The following LPGAT1 variants were observed in gnomAD, a reference collection of about 807,000 sequenced individuals.
LPGAT1 encodes acyl-CoA:lysophosphatidylglycerol acyltransferase 1.
LPGAT1 carries 11 observed loss-of-function variants against 47.5 expected under a neutral mutation model. That is an observed-to-expected ratio of 0.23 (90% confidence interval 0.15 to 0.38). LPGAT1 has a LOEUF of 0.38. Ranked by LOEUF, LPGAT1 falls within the 10% of genes least tolerant of loss-of-function variation. LPGAT1 has a pLI of 1.00. For synonymous variants in LPGAT1, 138 were observed against 144.2 expected, an observed-to-expected ratio of 0.96 and a Z score of 0.31; for missense variants, 293 against 439.0, an observed-to-expected ratio of 0.67 and a Z score of 2.97.
intron 2 of LPGAT1, among the ~76,000 whole-genome samples, chr1:211,803,974 G>T (rs1459192606): frequency 1.3e-5 from 2 of 152,122 alleles, no homozygotes; most frequent in Non-Finnish European, 2.9e-5. Flanking sequence ...GGCCATGTTG[G>T]TCTCAAACTC....
intron 2 of LPGAT1, among the ~76,000 whole-genome samples, chr1:211,800,949 C>T (rs1293461316): frequency 6.6e-6 from 1 of 152,194 alleles, no homozygotes; most frequent in Non-Finnish European, 1.5e-5. Flanking sequence ...ATTTGATCAC[C>T]TCAAGAGGAA....
At position 211,829,335 on chromosome 1, in the gene LPGAT1, G is replaced by A. The variant is rs1482572985; in HGVS notation, c.-27-12C>T. 1.2e-6 allele frequency: 2 copies of A among 1,607,396 alleles called. No homozygotes were observed. The highest frequency in any genetic ancestry group is 1.7e-6 in the Non-Finnish European group (2 of 1,176,392). ...TCCGTCCTGTCTTTCTGGGGTGAAAGAAAAATTCACTTAAAAAGGAAAATT... is the reference window on the plus strand; with the variant it reads ...TCCGTCCTGTCTTTCTGGGGTGAAAAAAAAATTCACTTAAAAAGGAAAATT... On this transcript the variant is annotated splice_polypyrimidine_tract_variant and intron_variant, in intron 1 of 7. Coordinates refer to ENST00000366997, the MANE Select transcript of LPGAT1 (RefSeq NM_014873.3).
rs113584287 is a variant in LPGAT1 at position 211,830,758 on chromosome 1, C to G, written c.-213G>C. 470,418 of 1,156,884 alleles carry G rather than the reference C, an allele frequency of 0.41. 99,809 individuals carry two copies. The highest frequency in any genetic ancestry group is 0.44 in the Non-Finnish European group (411,158 of 940,072). The allele number at this position is 1,156,884 out of a possible 1,614,324, so 71.7% of individuals were successfully genotyped here. The stretch of plus-strand genomic sequence containing the variant: ...CCCCAAGGGCCCGGCCGCGTTCGCC[C>G]GGACTGGCGGGGAGGGGCGGCGGGA... On this transcript the variant is annotated 5_prime_UTR_variant, in exon 1 of 8. Coordinates refer to ENST00000366997, the MANE Select transcript of LPGAT1 (RefSeq NM_014873.3). This position sits in a 1 kb window ranked among gnomAD's most constrained non-coding sequence, Gnocchi z 5.9.
intron 2 of LPGAT1, among the ~76,000 whole-genome samples, chr1:211,818,699 T>C (rs909447732): frequency 6.6e-6 from 1 of 152,194 alleles, no homozygotes; most frequent in Non-Finnish European, 1.5e-5. Flanking sequence ...TCTTTAAAGT[T>C]CTCAAGGCAG....
intron 6 of LPGAT1, among the ~76,000 whole-genome samples, chr1:211,778,085 G>A (rs1172834001): frequency 6.6e-6 from 1 of 152,184 alleles, no homozygotes; most frequent in Non-Finnish European, 1.5e-5. Flanking sequence ...GCTCACGCCT[G>A]TAATCCCAGC....
At chr1:211,756,905 T>C (rs1456878510) in intron 6 of LPGAT1, among the ~76,000 whole-genome samples, 2 of 150,902 alleles carry the variant, frequency 1.3e-5, no homozygotes, top group African/African-American at 2.4e-5. Context: ...ATGGAGAGTC[T>C]TTGCTTTTTG....
chr1:211,778,977 T>A lies in LPGAT1; in HGVS notation c.795A>T (p.Ile265=), dbSNP rs1658523709. The A allele has an allele frequency of 6.2e-7, 1 of 1,610,562 alleles. No individual in the cohort carries two copies. The highest frequency in any genetic ancestry group is 1.3e-5 in the African/African-American group (1 of 74,724). ...TTIAYPKAEP[I]DIQTWILGYR... ...ATCCAAGGATCCAGGTTTGAATATC[T>A]ATAGGTTCAGCTTTGGGATAAGCTA... is the stretch of plus-strand genomic sequence containing the variant. The change falls in exon 6 of 8, where the codon ATA becomes ATT. Residue 265 remains isoleucine (I), a synonymous_variant. Coordinates refer to ENST00000366997, the MANE Select transcript of LPGAT1 (RefSeq NM_014873.3).
At chr1:211,781,438 A>G (rs919335639) in intron 5 of LPGAT1, among the ~76,000 whole-genome samples, 5 of 152,200 alleles carry the variant, frequency 3.3e-5, no homozygotes, top group Admixed American at 2.6e-4. Context: ...CTCGGCTGCC[A>G]TTGCCACAGT....
Position 211,812,002 on chromosome 1 carries a change from C to G in LPGAT1, c.238+17057G>C, listed in dbSNP as rs181581726. 3.2e-3 allele frequency among the ~76,000 whole-genome samples: 487 copies of G among 152,344 alleles called. 3 individuals are homozygous for G. The highest frequency in any genetic ancestry group is 9.1e-3 in the South Asian group (44 of 4,826). ...CTATCACTCACATTGTGCACATTAC[C>G]TAACTTCCACAGATCTTCATTTGCT... On this transcript the variant is annotated intron_variant, in intron 2 of 7. Transcript: ENST00000366997.
At chr1:211,798,982 AC>A (rs1180286881) in intron 2 of LPGAT1, among the ~76,000 whole-genome samples, 2 of 152,114 alleles carry the variant, frequency 1.3e-5, no homozygotes, top group African/African-American at 2.4e-5. Flanking sequence ...TGCTGATGCC[AC>A]CCCCATCTCC....
At chr1:211,803,896 C>T (rs531621777) in intron 2 of LPGAT1, among the ~76,000 whole-genome samples, 4 of 151,768 alleles carry the variant, frequency 2.6e-5, no homozygotes, top group African/African-American at 7.2e-5. Context: ...GAAGCTGGGA[C>T]CGCCAGCATG....
chr1:211,814,483 G>T lies in LPGAT1; in HGVS notation c.238+14576C>A, dbSNP rs567007329. ...TTGGAACAGGACCAGATCCATGGGG[G>T]CTCTGGACCACTCAGCCTGATTCTG... On this transcript the variant is annotated intron_variant, in intron 2 of 7. Transcript: ENST00000366997. Among the ~76,000 whole-genome samples, 11 of 152,292 alleles carry T rather than the reference G, an allele frequency of 7.2e-5. No individual in the cohort carries two copies. In the South Asian group the frequency reaches 2.3e-3, roughly 32 times the overall value.
intron 6 of LPGAT1, among the ~76,000 whole-genome samples, chr1:211,757,588 T>C (rs1420136473): frequency 6.6e-6 from 1 of 152,198 alleles, no homozygotes; most frequent in African/African-American, 2.4e-5. Flanking sequence ...TCTGCAGGTG[T>C]CATGGGTTTA....
rs576410500 is a variant in LPGAT1 at position 211,826,952 on chromosome 1, T to A, written c.238+2107A>T. On this transcript the variant is annotated intron_variant, in intron 2 of 7. Transcript: ENST00000366997. Reference sequence around the variant, plus strand: ...AATATATTATCTAAAGAAAGGCTAATATAACACCTGACATTATTTTATGGG... The same window carrying A: ...AATATATTATCTAAAGAAAGGCTAAAATAACACCTGACATTATTTTATGGG... Among the ~76,000 whole-genome samples, 78 of 152,330 alleles carry A rather than the reference T, an allele frequency of 5.1e-4. 1 individual carries two copies. In the South Asian group the frequency reaches 0.016, roughly 31 times the overall value.
intron 6 of LPGAT1, among the ~76,000 whole-genome samples, chr1:211,761,001 T>C (rs553356922): frequency 6.6e-6 from 1 of 152,354 alleles, no homozygotes; most frequent in East Asian, 1.9e-4. Context: ...TAATTTAATA[T>C]GGTCTTAACA....
chr1:211,808,567 TA>T lies in LPGAT1; in HGVS notation c.239-15378del, dbSNP rs377629033. 3.1e-4 allele frequency among the ~76,000 whole-genome samples: 47 copies of T among 152,298 alleles called. 1 individual carries two copies. In the South Asian group the frequency reaches 9.1e-3, roughly 30 times the overall value. On this transcript the variant is annotated intron_variant, in intron 2 of 7. Coordinates refer to ENST00000366997, the MANE Select transcript of LPGAT1 (RefSeq NM_014873.3). ...TACTAAAATGAGTACAATTTTAAAA[TA>T]TTGGCAATACCAAGAGCTAGTGAGG...
intron 6 of LPGAT1, among the ~76,000 whole-genome samples, chr1:211,756,861 T>G (rs1338321062): frequency 1.3e-5 from 2 of 151,078 alleles, no homozygotes; most frequent in African/African-American, 4.8e-5. Context: ...TGCTTTGTTT[T>G]TTTTTTTTTC....
chr1:211,775,172 C>T (rs978431284), intron 6 of LPGAT1, among the ~76,000 whole-genome samples: 1 of 152,124 alleles, frequency 6.6e-6, no homozygotes, highest in Non-Finnish European at 1.5e-5. Context: ...TAAAATCTAG[C>T]CAGGCGTGGT....
At chr1:211,774,971 T>A (rs947047549) in intron 6 of LPGAT1, among the ~76,000 whole-genome samples, 4 of 152,140 alleles carry the variant, frequency 2.6e-5, no homozygotes, top group Non-Finnish European at 4.4e-5. Context: ...AATTTTTTTT[T>A]AAAAAAAAGA....
Sources: gnomAD v4.1 joint callset for allele counts (sites outside exome capture counted in the v4.1 genomes callset) on GRCh38, gnomAD v4.1.1 for gene constraint, Gnocchi (gnomAD v3.1) non-coding constraint, MANE v1.5 for transcripts, NCBI Gene and HGNC (gene_info 2026-07-23, HGNC 2026-07-21) for gene names.